The following SNX29 variants were observed in gnomAD, a reference collection of about 807,000 sequenced individuals.
The protein encoded by SNX29 is sorting nexin 29.
In SNX29, 78 loss-of-function variants were observed where a neutral mutation model predicts 102.1. The ratio of observed to expected loss-of-function variants is 0.76; its 90% CI spans 0.64 to 0.92. The LOEUF (loss-of-function observed/expected upper bound fraction) is 0.92, where lower values mean the gene tolerates loss of function less well. Among genes scored for constraint, SNX29 ranks in the 40% least tolerant of loss-of-function variants. SNX29 has a pLI of 0.00. For synonymous variants in SNX29, 580 were observed against 414.5 expected, an observed-to-expected ratio of 1.40 and a Z score of -4.85; for missense variants, 1,280 against 1,061.7, an observed-to-expected ratio of 1.21 and a Z score of -2.86.
chr16:12,204,018 T>G (rs750633410), intron 14 of SNX29, among the ~76,000 whole-genome samples: 2 of 152,216 alleles, frequency 1.3e-5, no homozygotes, highest in Non-Finnish European at 2.9e-5. Flanking sequence ...TGGCTAGATC[T>G]CAGGGCGTTA....
At chr16:12,270,955 A>G (rs547020255) in intron 14 of SNX29, among the ~76,000 whole-genome samples, 1 of 152,318 alleles carries the variant, frequency 6.6e-6, no homozygotes, top group East Asian at 1.9e-4. Flanking sequence ...AGGCAGGAGA[A>G]TGGCTTGAAC....
intron 13 of SNX29, among the ~76,000 whole-genome samples, chr16:12,198,063 A>G (rs2076821941): frequency 6.6e-6 from 1 of 152,194 alleles, no homozygotes; most frequent in Admixed American, 6.5e-5. Flanking sequence ...TGAGAGGCTT[A>G]CTGTGGTGCA....
intron 13 of SNX29, among the ~76,000 whole-genome samples, chr16:12,190,477 A>C (rs1210143765): frequency 6.6e-6 from 1 of 152,080 alleles, no homozygotes; most frequent in East Asian, 1.9e-4. Context: ...GAGCTGTCAC[A>C]AGCCCCATGT....
intron 13 of SNX29, among the ~76,000 whole-genome samples, chr16:12,195,777 C>T (rs897187804): frequency 6.6e-6 from 1 of 152,162 alleles, no homozygotes. Flanking sequence ...GTGTTAGACT[C>T]TCTGGGCCTC....
chr16:12,562,894 TGAC>T (rs925040464), intron 20 of SNX29, among the ~76,000 whole-genome samples: 12 of 152,312 alleles, frequency 7.9e-5, no homozygotes, highest in African/African-American at 2.9e-4. Flanking sequence ...TTTGGGAATT[TGAC>T]GATGTGCTTG....
chr16:12,554,327 A>C lies in SNX29; in HGVS notation c.2319-14179A>C, dbSNP rs189320130. 4.9e-4 allele frequency among the ~76,000 whole-genome samples: 74 copies of C among 152,274 alleles called. 2 individuals carry two copies. Among genetic ancestry groups the C allele is most frequent in the African/African-American group, 1.8e-3 (73 of 41,542 alleles). On this transcript the variant is annotated intron_variant, in intron 20 of 20. Coordinates refer to ENST00000566228, the MANE Select transcript of SNX29 (RefSeq NM_032167.5). ...TTTCAGTTTTAACTAAAATGGGACC[A>C]GATGTCTTTTGTTCTGTAGCTTTTC...
chr16:12,170,359 G>A (rs183503126), intron 13 of SNX29, among the ~76,000 whole-genome samples: 2 of 152,006 alleles, frequency 1.3e-5, no homozygotes, highest in African/African-American at 4.8e-5. Context: ...GCCGTGTAGC[G>A]TTTGTGGCAG....
intron 20 of SNX29, among the ~76,000 whole-genome samples, chr16:12,553,910 C>G (rs763404575): frequency 1.3e-5 from 2 of 152,162 alleles, no homozygotes; most frequent in African/African-American, 2.4e-5. Flanking sequence ...GTGGCATGAT[C>G]TCCGCCTCCT....
intron 16 of SNX29, among the ~76,000 whole-genome samples, chr16:12,358,373 C>T (rs1371854236): frequency 1.3e-5 from 2 of 152,160 alleles, no homozygotes; most frequent in African/African-American, 2.4e-5. Flanking sequence ...AGTTCGAGAC[C>T]AGCCTGGTCA....
chr16:12,217,057 G>A (rs1293049443), intron 14 of SNX29, among the ~76,000 whole-genome samples: 1 of 152,184 alleles, frequency 6.6e-6, no homozygotes, highest in Non-Finnish European at 1.5e-5. Flanking sequence ...GAGACAGGGT[G>A]TCCCTTCATT....
At chr16:12,111,252 C>T (rs892198970) in intron 11 of SNX29, among the ~76,000 whole-genome samples, 1 of 152,204 alleles carries the variant, frequency 6.6e-6, no homozygotes, top group African/African-American at 2.4e-5. Flanking sequence ...TCCACCCCTG[C>T]ACCAGTCAGC....
intron 15 of SNX29, among the ~76,000 whole-genome samples, chr16:12,294,222 G>C (rs2079901380): frequency 6.6e-6 from 1 of 152,216 alleles, no homozygotes. Context: ...CCAATGTGTA[G>C]CATTTATAGA....
At chr16:12,405,855 G>A (rs1281118406) in intron 18 of SNX29, among the ~76,000 whole-genome samples, 1 of 152,068 alleles carries the variant, frequency 6.6e-6, no homozygotes, top group African/African-American at 2.4e-5. Context: ...CCAACATAGT[G>A]AAACCCCATC....
chr16:12,549,389 G>C (rs1292783046), intron 20 of SNX29, among the ~76,000 whole-genome samples: 1 of 152,212 alleles, frequency 6.6e-6, no homozygotes, highest in Non-Finnish European at 1.5e-5. Context: ...CAGCTACTCA[G>C]AAGGCTGAGG....
chr16:12,091,666 A>AG lies in SNX29; in HGVS notation c.1402+12752dup, dbSNP rs1371638310. Among the ~76,000 whole-genome samples, 15 of 150,866 alleles carry AG rather than the reference A, an allele frequency of 9.9e-5. 1 individual carries two copies. The highest frequency in any genetic ancestry group is 1.5e-5 in the Non-Finnish European group (1 of 67,884). On this transcript the variant is annotated intron_variant, in intron 11 of 20. Transcript: ENST00000566228. ...CTTGGTGGTGCGTGCCTGTTGTCCC[A>AG]GCTACTTGGAAGTGAGCCCACTTTG...
chr16:12,569,891 G>C lies in SNX29; in HGVS notation c.*1262G>C, dbSNP rs143040860. ...ATGCAAGAGTAAGTTTGTGTGTTTC[G>C]CCTTAATCTGAGGCAGAGACACAGC... On this transcript the variant is annotated 3_prime_UTR_variant, in exon 21 of 21. Coordinates refer to ENST00000566228, the MANE Select transcript of SNX29 (RefSeq NM_032167.5). 4.8e-5 allele frequency: 11 copies of C among 231,266 alleles called. No individual in the cohort carries two copies. The Admixed American group carries it at 5.1e-4, about 11-fold the overall frequency. 14.3% of individuals were successfully genotyped at this position (231,266 alleles called of 1,614,324 possible).
intron 3 of SNX29, among the ~76,000 whole-genome samples, chr16:12,025,390 A>G (rs1352604574): frequency 2.0e-5 from 3 of 151,088 alleles, no homozygotes; most frequent in Non-Finnish European, 4.4e-5. Context: ...TCTGCCCAGC[A>G]AAGAGGTTTG....
intron 15 of SNX29, among the ~76,000 whole-genome samples, chr16:12,330,482 C>CA (rs2081262595): frequency 6.6e-6 from 1 of 152,194 alleles, no homozygotes; most frequent in South Asian, 2.1e-4. Context: ...AGTTAACACT[C>CA]ACGCAATGCA....
chr16:12,137,006 C>G (rs929214848), intron 13 of SNX29, among the ~76,000 whole-genome samples: 3 of 152,188 alleles, frequency 2.0e-5, no homozygotes, highest in Non-Finnish European at 4.4e-5. Flanking sequence ...TCCCAAAGTG[C>G]TGGTATTACA....
Sources: allele counts gnomAD v4.1 joint callset (sites outside exome capture counted in the v4.1 genomes callset), GRCh38; gene constraint gnomAD v4.1.1; transcripts MANE v1.5; gene names NCBI Gene and HGNC (gene_info 2026-07-23, HGNC 2026-07-21).